The following EXPH5 variants were observed in gnomAD, a reference collection of about 807,000 sequenced individuals.
The protein encoded by EXPH5 is exophilin-5.
EXPH5 carries 42 observed loss-of-function variants against 41.1 expected under a neutral mutation model. The observed-to-expected ratio is 1.02, with a 90% CI of 0.80 to 1.32. The LOEUF (loss-of-function observed/expected upper bound fraction) is 1.32, where lower values mean the gene tolerates loss of function less well. Ranked by LOEUF, EXPH5 falls within the 40% of genes most tolerant of loss-of-function variation. The pLI is 0.00. For missense variants in EXPH5, 2,298 were observed against 2,314.5 expected, an observed-to-expected ratio of 0.99 and a Z score of 0.15; for synonymous variants, 798 against 833.5, an observed-to-expected ratio of 0.96 and a Z score of 0.73.
Position 108,511,576 on chromosome 11 carries a change from A to G in EXPH5, c.3931T>C (p.Cys1311Arg), listed in dbSNP as rs877474. The part of the protein sequence containing the change: ...STREQSGTPS[C>R]ENLKMSVNSD... ...TTGACGGACATCTTTAGATTTTCAC[A>G]TGAAGGTGTTCCTGACTGCTCTCGT... The change falls in exon 6 of 6, where the codon TGT (cysteine) becomes CGT (arginine). Residue 1311 changes from cysteine (C) to arginine (R), a missense_variant. Cys to Arg is a radical substitution (Grantham distance 180). Transcript: ENST00000265843. 0.014 allele frequency: 22,309 copies of G among 1,613,356 alleles called. 193 individuals are homozygous for G. Among genetic ancestry groups the G allele is most frequent in the Non-Finnish European group, 0.017 (19,993 of 1,179,798 alleles).
chr11:108,532,506 T>A (rs1224886608), intron 3 of EXPH5, among the ~76,000 whole-genome samples: 1 of 149,022 alleles, frequency 6.7e-6, no homozygotes, highest in African/African-American at 2.5e-5. Flanking sequence ...TGAGCCATCA[T>A]GCTTGATCTG....
At chr11:108,550,598 G>A (rs1343039415) in intron 1 of EXPH5, among the ~76,000 whole-genome samples, 3 of 152,112 alleles carry the variant, frequency 2.0e-5, no homozygotes, top group Non-Finnish European at 4.4e-5. Context: ...AGCTAACATG[G>A]AGAAATGCTG....
chr11:108,524,273 C>T (rs907452093), intron 4 of EXPH5, among the ~76,000 whole-genome samples: 2 of 152,148 alleles, frequency 1.3e-5, no homozygotes, highest in African/African-American at 4.8e-5. Flanking sequence ...AGGAAAATAA[C>T]AGCAACAATA....
intron 1 of EXPH5, among the ~76,000 whole-genome samples, chr11:108,555,538 A>G (rs1450252258): frequency 6.6e-6 from 1 of 152,170 alleles, no homozygotes; most frequent in Non-Finnish European, 1.5e-5. Flanking sequence ...AGTCACCACC[A>G]TCTTTCACCT....
chr11:108,531,227 A>G (rs186221620), intron 3 of EXPH5, among the ~76,000 whole-genome samples: 10 of 152,306 alleles, frequency 6.6e-5, no homozygotes, highest in Non-Finnish European at 1.2e-4. Context: ...CAATAGAAAG[A>G]TATGTCTAAA....
chr11:108,539,003 C>T, intron 3 of EXPH5, 21 bp downstream of exon 3: 1 of 1,551,396 alleles, frequency 6.4e-7, no homozygotes, highest in Non-Finnish European at 8.7e-7. Context: ...TGGGCCGTAA[C>T]ATGACCTGAG....
intron 4 of EXPH5, among the ~76,000 whole-genome samples, chr11:108,518,658 C>T (rs747970526): frequency 6.6e-6 from 1 of 152,138 alleles, no homozygotes; most frequent in Non-Finnish European, 1.5e-5. Flanking sequence ...CTGTCAGAGG[C>T]GTTTGAATCA....
chr11:108,565,920 G>A (rs1179223591), intron 1 of EXPH5, among the ~76,000 whole-genome samples: 5 of 152,088 alleles, frequency 3.3e-5, no homozygotes, highest in African/African-American at 9.7e-5. Context: ...TTTGTCACAC[G>A]ATCTAACTTG....
intron 3 of EXPH5, among the ~76,000 whole-genome samples, chr11:108,536,029 C>A (rs1301044491): frequency 6.6e-6 from 1 of 152,136 alleles, no homozygotes; most frequent in Non-Finnish European, 1.5e-5. Context: ...GAACAAGATC[C>A]GTGCAAACAT....
chr11:108,583,367 G>C (rs1386855360), intron 1 of EXPH5, among the ~76,000 whole-genome samples: 15 of 149,604 alleles, frequency 1.0e-4, no homozygotes, highest in Non-Finnish European at 1.9e-4. Context: ...GTGAGATTCT[G>C]TCTCAAAAAA....
chr11:108,592,936 G>A (rs931507129), intron 1 of EXPH5, among the ~76,000 whole-genome samples: 19 of 152,232 alleles, frequency 1.2e-4, no homozygotes, highest in African/African-American at 3.9e-4. Context: ...GGGGAGATTC[G>A]CCTCTGGTGC....
chr11:108,568,186 G>A (rs1003944278), intron 1 of EXPH5: 2 of 142,368 alleles, frequency 1.4e-5, no homozygotes, highest in African/African-American at 5.4e-5. Flanking sequence ...GGGAGGGGGG[G>A]AGGGCGTCTC....
the EXPH5 span, among the ~76,000 whole-genome samples, chr11:108,603,646 T>A: frequency 6.6e-6 from 1 of 152,220 alleles, no homozygotes; most frequent in Non-Finnish European, 1.5e-5. Context: ...ATAATGCCAT[T>A]ATTAACTCAA....
chr11:108,528,331 C>T (rs2093813673), intron 3 of EXPH5, 147 bp from the exon 4 acceptor site: 1 of 575,142 alleles, frequency 1.7e-6, no homozygotes. Context: ...TTCGTTAGTG[C>T]ATTATTGAAA....
At chr11:108,594,280 C>T (rs2094135425), upstream of EXPH5, among the ~76,000 whole-genome samples, 1 of 152,144 alleles carries the variant, frequency 6.6e-6, no homozygotes, top group Non-Finnish European at 1.5e-5. Context: ...TCCACTGTCC[C>T]ACAAAAGTCA....
the EXPH5 span, among the ~76,000 whole-genome samples, chr11:108,606,355 C>T: frequency 1.3e-5 from 2 of 152,160 alleles, no homozygotes; most frequent in African/African-American, 2.4e-5. Flanking sequence ...CTTTCCCCAC[C>T]TTCTGCTCCC....
chr11:108,550,250 G>A (rs892091691), intron 1 of EXPH5, among the ~76,000 whole-genome samples: 4 of 152,152 alleles, frequency 2.6e-5, no homozygotes, highest in African/African-American at 9.7e-5. Context: ...TCTGTATAAG[G>A]AAGCTTGGGT....
chr11:108,599,688 T>C, the EXPH5 span, among the ~76,000 whole-genome samples: 1 of 152,244 alleles, frequency 6.6e-6, no homozygotes, highest in Non-Finnish European at 1.5e-5. Context: ...TACTTCCATG[T>C]GGTTGCCTTT....
intron 1 of EXPH5, among the ~76,000 whole-genome samples, chr11:108,585,385 A>G (rs1334651168): frequency 6.6e-6 from 1 of 152,158 alleles, no homozygotes; most frequent in Non-Finnish European, 1.5e-5. Flanking sequence ...GATTAGGTGG[A>G]GAGGGCTTCT....
Sources: gnomAD v4.1 joint callset for allele counts (sites outside exome capture counted in the v4.1 genomes callset) on GRCh38, gnomAD v4.1.1 for gene constraint, MANE v1.5 for transcripts, NCBI Gene and HGNC (gene_info 2026-07-23, HGNC 2026-07-21) for gene names.